GOT1: variants seen among roughly 807,000 people sequenced by gnomAD.
GOT1 encodes the protein glutamic-oxaloacetic transaminase 1.
In GOT1, 25 loss-of-function variants were observed where a neutral mutation model predicts 48.2. That is an observed-to-expected ratio of 0.52 (90% confidence interval 0.38 to 0.72). The LOEUF is 0.72. GOT1 is among the 30% of genes least tolerant of loss of function. The pLI is 0.00. For synonymous variants in GOT1, 188 were observed against 193.8 expected (o/e 0.97, Z 0.25); for missense variants, 380 against 520.1 (o/e 0.73, Z 2.62).
intron 2 of GOT1, among the ~76,000 whole-genome samples, chr10:99,410,669 TC>T (rs1303894030): frequency 6.6e-6 from 1 of 152,212 alleles, no homozygotes; most frequent in Non-Finnish European, 1.5e-5. Flanking sequence ...GCTCTAAACA[TC>T]AGCAACTAAC....
intron 1 of GOT1, among the ~76,000 whole-genome samples, chr10:99,429,350 C>CTTTTT (rs71488890): frequency 1.8e-4 from 26 of 140,840 alleles, no homozygotes; most frequent in African/African-American, 6.0e-4. Context: ...GCCCGGCCGA[C>CTTTTT]TTTTTTTTTT....
At chr10:99,429,788 C>T (rs959013786) in intron 1 of GOT1, among the ~76,000 whole-genome samples, 1 of 152,140 alleles carries the variant, frequency 6.6e-6, no homozygotes. Flanking sequence ...GGAAAGTAAG[C>T]TTCTACCATC....
Position 99,430,434 on chromosome 10 carries a change from C to CACT in GOT1, c.118+11_118+13dup. 6.2e-7 allele frequency: 1 copy of CACT among 1,604,464 alleles called. No individual in the cohort carries two copies. On this transcript the variant is annotated intron_variant, in intron 1 of 8. Transcript: ENST00000370508. The stretch of plus-strand genomic sequence containing the variant: ...TCCCCGAGCTGCTCACACTCCAGAG[C>CACT]ACTACATCCTTACCTCCCACTCCCA...
At chr10:99,409,232 A>T (rs1013000422) in intron 2 of GOT1, among the ~76,000 whole-genome samples, 1 of 151,924 alleles carries the variant, frequency 6.6e-6, no homozygotes, top group Non-Finnish European at 1.5e-5. Flanking sequence ...TCCTGGGTTC[A>T]AGTGATTCTC....
intron 8 of GOT1, among the ~76,000 whole-genome samples, chr10:99,399,005 C>T (rs950928939): frequency 2.0e-5 from 3 of 152,170 alleles, no homozygotes; most frequent in African/African-American, 7.2e-5. Context: ...AAAATCTGGA[C>T]CCTGGACTCA....
Position 99,403,882 on chromosome 10 carries a change from G to A in GOT1, c.643-8C>T, listed in dbSNP as rs1319338222. 14 of 1,612,900 alleles carry A rather than the reference G, an allele frequency of 8.7e-6. No homozygotes were observed. The East Asian group carries it at 2.9e-4, about 33-fold the overall frequency. ...GGGGAACAGAAACCGGTGCTGCGGG[G>A]AAGCAAAGTGAGTCAGGGCAGGAAA... On this transcript the variant is annotated splice_region_variant and splice_polypyrimidine_tract_variant and intron_variant, in intron 5 of 8. Transcript: ENST00000370508.
At chr10:99,406,375 G>T (rs1439390182) in intron 3 of GOT1, 126 bp from the exon 4 acceptor site, 2 of 701,920 alleles carry the variant, frequency 2.8e-6, no homozygotes, top group African/African-American at 1.8e-5. Context: ...CAGGCTGGGG[G>T]TTAAGATGTA....
intron 2 of GOT1, among the ~76,000 whole-genome samples, chr10:99,409,895 C>G (rs1342369878): frequency 6.6e-6 from 1 of 152,198 alleles, no homozygotes; most frequent in Non-Finnish European, 1.5e-5. Flanking sequence ...ATTATCGGCA[C>G]TATTATGCAC....
intron 1 of GOT1, among the ~76,000 whole-genome samples, chr10:99,421,785 G>A (rs911250437): frequency 1.2e-4 from 18 of 151,966 alleles, no homozygotes; most frequent in South Asian, 1.0e-3. Flanking sequence ...CTACACTTAC[G>A]CAAGTGATTT....
At chr10:99,416,011 AT>A (rs1282029305) in intron 2 of GOT1, among the ~76,000 whole-genome samples, 3 of 152,234 alleles carry the variant, frequency 2.0e-5, no homozygotes, top group South Asian at 4.1e-4. Context: ...AACTGGAAGC[AT>A]TCCCTTTGAA....
intron 8 of GOT1, among the ~76,000 whole-genome samples, chr10:99,400,999 A>G (rs887472647): frequency 6.6e-6 from 1 of 152,230 alleles, no homozygotes; most frequent in Admixed American, 6.5e-5. Flanking sequence ...AGGGCAAATG[A>G]TGCCAAGCGC....
chr10:99,421,580 T>C (rs1447803687), intron 1 of GOT1, among the ~76,000 whole-genome samples: 1 of 152,210 alleles, frequency 6.6e-6, no homozygotes, highest in Non-Finnish European at 1.5e-5. Flanking sequence ...TTCCTCTTCC[T>C]CTGAAAGTAT....
At chr10:99,426,445 G>A (rs550889143) in intron 1 of GOT1, among the ~76,000 whole-genome samples, 4 of 152,316 alleles carry the variant, frequency 2.6e-5, no homozygotes, top group African/African-American at 9.6e-5. Context: ...GGGGTACTCA[G>A]AAACATCTGA....
At chr10:99,428,418 C>T (rs2033069443) in intron 1 of GOT1, among the ~76,000 whole-genome samples, 1 of 151,738 alleles carries the variant, frequency 6.6e-6, no homozygotes, top group South Asian at 2.1e-4. Context: ...AGTACAATGG[C>T]GTGATCTTGG....
At chr10:99,402,333 C>T (rs2032691206) in intron 8 of GOT1, among the ~76,000 whole-genome samples, 1 of 152,216 alleles carries the variant, frequency 6.6e-6, no homozygotes, top group Non-Finnish European at 1.5e-5. Flanking sequence ...TGAGCCACTT[C>T]CCAGCCCACA....
intron 1 of GOT1, among the ~76,000 whole-genome samples, chr10:99,426,950 T>C (rs966862120): frequency 6.6e-6 from 1 of 152,186 alleles, no homozygotes; most frequent in African/African-American, 2.4e-5. Context: ...TTACATTTTC[T>C]TCACAAGGGG....
chr10:99,404,191 G>T (rs371534027), intron 5 of GOT1, among the ~76,000 whole-genome samples: 2 of 152,152 alleles, frequency 1.3e-5, no homozygotes, highest in Admixed American at 6.5e-5. Context: ...AATTTCTGGC[G>T]TGAGAGCCTT....
chr10:99,399,188 C>T (rs988356171), intron 8 of GOT1, among the ~76,000 whole-genome samples: 2 of 152,280 alleles, frequency 1.3e-5, no homozygotes, highest in Admixed American at 6.5e-5. Context: ...TTCTCTGAGG[C>T]CCTCCCTTGT....
chr10:99,401,329 C>T (rs1194429927), intron 8 of GOT1, among the ~76,000 whole-genome samples: 1 of 152,148 alleles, frequency 6.6e-6, no homozygotes, highest in Non-Finnish European at 1.5e-5. Context: ...GTCCACAATA[C>T]AAGCTCTATT....
Sources: allele counts gnomAD v4.1 joint callset (sites outside exome capture counted in the v4.1 genomes callset), GRCh38; gene constraint gnomAD v4.1.1; transcripts MANE v1.5; gene names NCBI Gene and HGNC (gene_info 2026-07-23, HGNC 2026-07-21).